The following ADGRA3 variants were observed in gnomAD, a reference collection of about 807,000 sequenced individuals.
ADGRA3 encodes adhesion G protein-coupled receptor A3.
A neutral mutation model predicts 119.8 loss-of-function variants in ADGRA3; 56 were observed. That is an observed-to-expected ratio of 0.47 (90% CI 0.38 to 0.58). ADGRA3 has a LOEUF of 0.58. ADGRA3 is among the 20% of genes least tolerant of loss of function. The probability of loss-of-function intolerance (pLI) is 0.00; values close to 1 mark genes in which losing one functional copy is unlikely to be tolerated. For missense variants in ADGRA3, 1,516 were observed against 1,649.0 expected (o/e 0.92, Z 1.40); for synonymous variants, 607 against 623.8 (o/e 0.97, Z 0.40).
intron 7 of ADGRA3, among the ~76,000 whole-genome samples, chr4:22,440,382 G>C (rs557247248): frequency 4.1e-4 from 62 of 152,252 alleles, no homozygotes; most frequent in African/African-American, 1.4e-3. Context: ...GTTTCTTACT[G>C]ATGAAGAATC....
Position 22,432,375 on chromosome 4 carries a change from A to G in ADGRA3, c.1443+2936T>C, listed in dbSNP as rs1716215415. On this transcript the variant is annotated intron_variant, in intron 10 of 18. Transcript: ENST00000334304. ...TCTGATGTGTGGTGAAGTTCTACGA[A>G]CAAAGTCCTAGAAAAGCTTAATAAT... Among the ~76,000 whole-genome samples the G allele has an allele frequency of 1.3e-5, 2 of 152,170 alleles. 1 individual carries two copies. Among genetic ancestry groups the G allele is most frequent in the Admixed American group, 1.3e-4 (2 of 15,272 alleles).
At chr4:22,501,412 C>T (rs1484265291) in intron 1 of ADGRA3, among the ~76,000 whole-genome samples, 1 of 152,126 alleles carries the variant, frequency 6.6e-6, no homozygotes, top group African/African-American at 2.4e-5. Flanking sequence ...ATAAAGGCAT[C>T]ACTAGAAAAT....
intron 12 of ADGRA3, among the ~76,000 whole-genome samples, chr4:22,415,477 T>C (rs1381305001): frequency 3.3e-5 from 5 of 152,164 alleles, no homozygotes; most frequent in Non-Finnish European, 7.4e-5. Context: ...AAAAATATTA[T>C]AAATTTATTC....
At chr4:22,512,695 G>A (rs1347034895) in intron 1 of ADGRA3, among the ~76,000 whole-genome samples, 2 of 152,188 alleles carry the variant, frequency 1.3e-5, no homozygotes, top group South Asian at 4.1e-4. Context: ...AGGAAAACCA[G>A]AAGATGAGAG....
intron 7 of ADGRA3, 47 bp downstream of exon 7, chr4:22,442,603 A>G (rs774183243): frequency 7.5e-7 from 1 of 1,338,748 alleles, no homozygotes; most frequent in Non-Finnish European, 1.1e-6. Flanking sequence ...AGGATAAATA[A>G]AATACACAGG....
intron 12 of ADGRA3, among the ~76,000 whole-genome samples, chr4:22,419,528 G>A (rs961372289): frequency 1.3e-5 from 2 of 152,070 alleles, no homozygotes; most frequent in Non-Finnish European, 2.9e-5. Flanking sequence ...AAATCTGAGT[G>A]TCCATCTAAA....
At chr4:22,466,525 G>C (rs974661061) in intron 2 of ADGRA3, among the ~76,000 whole-genome samples, 1 of 152,084 alleles carries the variant, frequency 6.6e-6, no homozygotes, top group Non-Finnish European at 1.5e-5. Flanking sequence ...TCAGGAGTTC[G>C]AGAACAGCCT....
chr4:22,437,147 G>T (rs1202364365), intron 8 of ADGRA3, among the ~76,000 whole-genome samples: 2 of 152,064 alleles, frequency 1.3e-5, no homozygotes, highest in African/African-American at 4.8e-5. Flanking sequence ...GATGTTGAAT[G>T]TAACAAAATT....
At chr4:22,462,739 C>G (rs1408815261) in intron 2 of ADGRA3, among the ~76,000 whole-genome samples, 1 of 152,182 alleles carries the variant, frequency 6.6e-6, no homozygotes, top group Non-Finnish European at 1.5e-5. Context: ...ACCATTTATC[C>G]TATTCTTCTC....
At chr4:22,423,511 C>T (rs1422930181) in intron 11 of ADGRA3, among the ~76,000 whole-genome samples, 1 of 152,138 alleles carries the variant, frequency 6.6e-6, no homozygotes, top group Non-Finnish European at 1.5e-5. Context: ...ACATTATTTA[C>T]TGTATTCACC....
At chr4:22,392,109 A>C (rs1033078310) in intron 17 of ADGRA3, among the ~76,000 whole-genome samples, 1 of 152,192 alleles carries the variant, frequency 6.6e-6, no homozygotes, top group Non-Finnish European at 1.5e-5. Context: ...TAATCCATTT[A>C]CCACTTTTCA....
In ADGRA3 at chr4:22,445,140, C is replaced by A; in HGVS notation, c.546-7G>T. ...ATACTCAGTCTGGAATTCCCTGTAA[C>A]ATGCAAATACAACTTAGAGATTATA... On this transcript the variant is annotated splice_polypyrimidine_tract_variant and splice_region_variant and intron_variant, in intron 5 of 18. Coordinates refer to ENST00000334304, the MANE Select transcript of ADGRA3 (RefSeq NM_145290.4). 1 of 1,612,494 alleles carries A rather than the reference C, an allele frequency of 6.2e-7. No individual in the cohort carries two copies. Among genetic ancestry groups the A allele is most frequent in the Non-Finnish European group, 8.5e-7 (1 of 1,178,652 alleles).
At chr4:22,485,435 C>T (rs1218668504) in intron 1 of ADGRA3, among the ~76,000 whole-genome samples, 2 of 149,908 alleles carry the variant, frequency 1.3e-5, no homozygotes, top group African/African-American at 2.5e-5. Context: ...CCATTAGATG[C>T]TTTTTTTTTT....
intron 10 of ADGRA3, among the ~76,000 whole-genome samples, chr4:22,427,236 C>G (rs945405910): frequency 6.6e-6 from 1 of 152,076 alleles, no homozygotes; most frequent in Non-Finnish European, 1.5e-5. Flanking sequence ...TTGTAAGGCA[C>G]CACTGAAATA....
rs1297501889 is a variant in ADGRA3, at chr4:22,387,523, T to C, written c.*182A>G. 1.1e-5 allele frequency: 6 copies of C among 542,582 alleles called. No individual in the cohort carries two copies. In the East Asian group the frequency reaches 1.8e-4, roughly 16 times the overall value. 33.6% of individuals were successfully genotyped at this position (542,582 alleles called of 1,614,324 possible). A position where few individuals can be genotyped will look rare whatever the true frequency, so the allele number is the denominator to read the frequency against. On this transcript the variant is annotated 3_prime_UTR_variant, in exon 19 of 19. Coordinates refer to ENST00000334304, the MANE Select transcript of ADGRA3 (RefSeq NM_145290.4). ...AAACAATGTTTTAGAAAGATTTTGT[T>C]TCAGATCCTAAAAAATAGCAACAAT... is the stretch of plus-strand genomic sequence containing the variant.
chr4:22,508,923 T>C lies in ADGRA3; in HGVS notation c.257+6605A>G, dbSNP rs1391853655. ...CCCTGCCTAGATATCTTTGAGAAAA[T>C]AGAAGCAACGGGGCCAAAATTCCCT... On this transcript the variant is annotated intron_variant, in intron 1 of 18. Transcript: ENST00000334304. Among the ~76,000 whole-genome samples, 11 of 152,004 alleles carry C rather than the reference T, an allele frequency of 7.2e-5. No homozygotes were observed. In the South Asian group the frequency reaches 1.0e-3, roughly 14 times the overall value.
At position 22,505,062 on chromosome 4, in the gene ADGRA3, G is replaced by GCT. The variant is rs541321614; in HGVS notation, c.257+10464_257+10465dup. On this transcript the variant is annotated intron_variant, in intron 1 of 18. Coordinates refer to ENST00000334304, the MANE Select transcript of ADGRA3 (RefSeq NM_145290.4). ...GATGGATGCAAGCCTAGTGCAAAGCGCTCTGGCCAGGAGCATCCTTCACCA... is the reference window on the plus strand; with the variant it reads ...GATGGATGCAAGCCTAGTGCAAAGCGCTCTCTGGCCAGGAGCATCCTTCACCA... Among the ~76,000 whole-genome samples the GCT allele has an allele frequency of 5.6e-4, 85 of 152,220 alleles. 1 individual carries two copies. The highest frequency in any genetic ancestry group is 3.4e-3 in the Middle Eastern group (1 of 294).
At chr4:22,453,224 A>G (rs1261458053) in intron 4 of ADGRA3, among the ~76,000 whole-genome samples, 1 of 150,350 alleles carries the variant, frequency 6.7e-6, no homozygotes, top group Non-Finnish European at 1.5e-5. Context: ...AAAAGAAAGA[A>G]AAAGTAAAAA....
intron 8 of ADGRA3, 98 bp downstream of exon 8, chr4:22,438,158 A>G (rs751025584): frequency 4.2e-5 from 39 of 935,942 alleles, no homozygotes; most frequent in Non-Finnish European, 6.1e-5. Context: ...GCAGTTCTCA[A>G]ATTTTGTTAC....
Sources: allele counts gnomAD v4.1 joint callset (sites outside exome capture counted in the v4.1 genomes callset), GRCh38; gene constraint gnomAD v4.1.1; transcripts MANE v1.5; gene names NCBI Gene and HGNC (gene_info 2026-07-23, HGNC 2026-07-21).